Variants in CD4 observed in about 807,000 individuals in gnomAD.
The protein encoded by CD4 is T-cell surface glycoprotein CD4.
Under a neutral mutation model 50.5 loss-of-function variants are expected in CD4, and 25 were observed. The observed-to-expected ratio is 0.49, with a 90% CI of 0.36 to 0.69. The LOEUF (loss-of-function observed/expected upper bound fraction) is 0.69, where lower values mean the gene tolerates loss of function less well. CD4 is among the 30% of genes least tolerant of loss of function. The pLI, the probability that CD4 is intolerant of heterozygous loss-of-function variation, is 0.00. For synonymous variants in CD4, 207 were observed against 221.9 expected (o/e 0.93, Z 0.60); for missense variants, 456 against 548.5 (o/e 0.83, Z 1.68).
intron 3 of CD4, among the ~76,000 whole-genome samples, chr12:6,805,015 C>CAAAA (rs34087134): frequency 2.1e-5 from 2 of 96,932 alleles, no homozygotes; most frequent in South Asian, 3.5e-4. Context: ...GACTACGTCT[C>CAAAA]AAAAAAAAAA....
chr12:6,793,196 G>T (rs1371760093), intron 1 of CD4, among the ~76,000 whole-genome samples: 1 of 152,178 alleles, frequency 6.6e-6, no homozygotes, highest in African/African-American at 2.4e-5. Context: ...CAGAGCCTTG[G>T]GGTGAGATGA....
At chr12:6,804,190 A>T (rs7133281) in intron 3 of CD4, among the ~76,000 whole-genome samples, 85,372 of 151,138 alleles carry the variant, frequency 0.56, 24,396 homozygotes, top group Middle Eastern at 0.68. Context: ...ACACACACAC[A>T]CAATGCAAAA....
chr12:6,814,315 T>C lies in CD4; in HGVS notation c.373+15T>C. ...AGTGTTCGGATGTGAGTGGGGCAGGTGGGGATGAGGATACCTCCTGCCTGG... is the reference window on the plus strand; with the variant it reads ...AGTGTTCGGATGTGAGTGGGGCAGGCGGGGATGAGGATACCTCCTGCCTGG... On this transcript the variant is annotated intron_variant, in intron 4 of 9. Coordinates refer to ENST00000011653, the MANE Select transcript of CD4 (RefSeq NM_000616.5). The C allele has an allele frequency of 9.3e-6, 15 of 1,610,724 alleles. No individual in the cohort carries two copies. The highest frequency in any genetic ancestry group is 1.3e-5 in the Non-Finnish European group (15 of 1,178,020).
At chr12:6,810,723 T>C (rs1942912685) in intron 3 of CD4, among the ~76,000 whole-genome samples, 1 of 152,124 alleles carries the variant, frequency 6.6e-6, no homozygotes, top group Non-Finnish European at 1.5e-5. Context: ...GGCCACGCTT[T>C]TAAGAAGTTT....
chr12:6,803,225 A>T (rs918521589), intron 3 of CD4, among the ~76,000 whole-genome samples: 1 of 151,796 alleles, frequency 6.6e-6, no homozygotes, highest in African/African-American at 2.4e-5. Flanking sequence ...ATCTCGGCTA[A>T]CTGCAACCTC....
At chr12:6,817,377 T>G in intron 7 of CD4, 47 bp downstream of exon 7, 3 of 1,504,726 alleles carry the variant, frequency 2.0e-6, no homozygotes, top group Non-Finnish European at 2.7e-6. Flanking sequence ...CTGCGGGACC[T>G]TCCTGTGGTT....
chr12:6,819,480 C>T lies in CD4; in HGVS notation c.*151C>T, dbSNP rs1472027188. On this transcript the variant is annotated 3_prime_UTR_variant, in exon 10 of 10. Coordinates refer to ENST00000011653, the MANE Select transcript of CD4 (RefSeq NM_000616.5). ...TGCCATTGTTTCTCCTGGGTTAGGC[C>T]CCGGCTTCACTGGTTGAGTGTTGCT... 2 of 716,486 alleles carry T rather than the reference C, an allele frequency of 2.8e-6. No individual in the cohort carries two copies. Among genetic ancestry groups the T allele is most frequent in the African/African-American group, 3.5e-5 (2 of 56,928 alleles). 44.4% of individuals were successfully genotyped at this position (716,486 alleles called of 1,614,324 possible).
chr12:6,793,113 A>T (rs1009308061), intron 1 of CD4, among the ~76,000 whole-genome samples: 1 of 152,136 alleles, frequency 6.6e-6, no homozygotes, highest in Non-Finnish European at 1.5e-5. Context: ...CAAAGGCCAG[A>T]TCTCTGGGGT....
At chr12:6,805,194 A>G (rs1398325903) in intron 3 of CD4, among the ~76,000 whole-genome samples, 17 of 137,786 alleles carry the variant, frequency 1.2e-4, no homozygotes, top group Non-Finnish European at 2.5e-4. Context: ...CAAAAAAAAA[A>G]AAAAAAAAAA....
At chr12:6,798,172 C>CT (rs1167230229) in intron 1 of CD4, among the ~76,000 whole-genome samples, 2,365 of 139,390 alleles carry the variant, frequency 0.017, 49 homozygotes, top group South Asian at 0.039. Flanking sequence ...AAGAACTTTT[C>CT]TTTTTTTTTT....
rs797030154 is a variant in CD4, at chr12:6,806,149, AG to A, written c.214+5680del. 3.2e-3 allele frequency among the ~76,000 whole-genome samples: 402 copies of A among 126,490 alleles called. 27 individuals carry two copies. The highest frequency in any genetic ancestry group is 0.025 in the South Asian group (95 of 3,832). 83.0% of individuals were successfully genotyped at this position (126,490 alleles called of 152,430 possible). A position where few individuals can be genotyped will look rare whatever the true frequency, so the allele number is the denominator to read the frequency against. ...CCCCGTCTCTACCAAAAAAAAAAAA[AG>A]GTACATACACACACACACACACACA... On this transcript the variant is annotated intron_variant, in intron 3 of 9. Coordinates refer to ENST00000011653, the MANE Select transcript of CD4 (RefSeq NM_000616.5).
At chr12:6,813,520 T>C (rs782313739) in intron 3 of CD4, 2 of 152,224 alleles carry the variant, frequency 1.3e-5, no homozygotes, top group Non-Finnish European at 2.9e-5. Flanking sequence ...CAGTTAGTGA[T>C]GTTTCTTAGA....
At position 6,820,284 on chromosome 12, in the gene CD4, C is replaced by T. The variant is rs1396796225; in HGVS notation, c.*955C>T. The T allele has an allele frequency of 6.6e-6, 1 of 152,264 alleles. No homozygotes were observed. Among genetic ancestry groups the T allele is most frequent in the Admixed American group, 6.5e-5 (1 of 15,288 alleles). The allele number at this position is 152,264 out of a possible 1,614,324, so 9.4% of individuals were successfully genotyped here. ...GCCTCCCTGTCTAAAATCCCTCCTT[C>T]ATCCCCCGCTGGTGGCAGAATCTGT... On this transcript the variant is annotated 3_prime_UTR_variant, in exon 10 of 10. Transcript: ENST00000011653.
intron 3 of CD4, chr12:6,813,466 A>G (rs141300203): frequency 6.6e-6 from 1 of 152,200 alleles, no homozygotes; most frequent in East Asian, 1.9e-4. Context: ...TATTTTCTCC[A>G]CCTTTAAAAA....
At chr12:6,793,035 G>C (rs1237238735) in intron 1 of CD4, among the ~76,000 whole-genome samples, 1 of 152,116 alleles carries the variant, frequency 6.6e-6, no homozygotes, top group Non-Finnish European at 1.5e-5. Flanking sequence ...AGCCTCTCTC[G>C]GAGTGCTGGT....
In CD4 at chr12:6,814,165, G is replaced by T. The variant is rs201343243; in HGVS notation, c.238G>T (p.Ala80Ser). ...AGGTCCATCCAAGCTGAATGATCGCGCTGACTCAAGAAGAAGCCTTTGGGA... is the reference window on the plus strand; with the variant it reads ...AGGTCCATCCAAGCTGAATGATCGCTCTGACTCAAGAAGAAGCCTTTGGGA... ...TKGPSKLNDR[A>S]DSRRSLWDQG... is the part of the protein sequence containing the mutation. Residue 80 changes from alanine (A) to serine (S), a missense_variant, in exon 4 of 10, where the codon GCT becomes TCT. Coordinates refer to ENST00000011653, the MANE Select transcript of CD4 (RefSeq NM_000616.5). 6.2e-7 allele frequency: 1 copy of T among 1,613,954 alleles called. No individual in the cohort carries two copies. The highest frequency in any genetic ancestry group is 8.5e-7 in the Non-Finnish European group (1 of 1,179,938).
intron 3 of CD4, among the ~76,000 whole-genome samples, chr12:6,809,452 C>T (rs145560056): frequency 6.6e-6 from 1 of 151,750 alleles, no homozygotes; most frequent in Admixed American, 6.6e-5. Context: ...GCCGTGATTG[C>T]GCCACTGCAC....
chr12:6,819,490 C>G lies in CD4; in HGVS notation c.*161C>G, dbSNP rs200929851. On this transcript the variant is annotated 3_prime_UTR_variant, in exon 10 of 10. Transcript: ENST00000011653. Reference sequence around the variant, plus strand: ...TCTCCTGGGTTAGGCCCCGGCTTCACTGGTTGAGTGTTGCTCTCTAGTTTC... The same window carrying G: ...TCTCCTGGGTTAGGCCCCGGCTTCAGTGGTTGAGTGTTGCTCTCTAGTTTC... 5 of 682,804 alleles carry G rather than the reference C, an allele frequency of 7.3e-6. No individual in the cohort carries two copies. Among genetic ancestry groups the G allele is most frequent in the Non-Finnish European group, 5.2e-6 (2 of 383,560 alleles). The allele number at this position is 682,804 out of a possible 1,614,324, so 42.3% of individuals were successfully genotyped here.
intron 1 of CD4, among the ~76,000 whole-genome samples, chr12:6,790,312 G>A (rs1323270875): frequency 3.3e-5 from 5 of 152,108 alleles, no homozygotes; most frequent in Admixed American, 1.3e-4. Flanking sequence ...TACCTTTTGT[G>A]TTTCTGTGTG....
Sources: allele counts gnomAD v4.1 joint callset (sites outside exome capture counted in the v4.1 genomes callset), GRCh38; gene constraint gnomAD v4.1.1; transcripts MANE v1.5; gene names NCBI Gene and HGNC (gene_info 2026-07-23, HGNC 2026-07-21).